C15orf40: variants seen among roughly 807,000 people sequenced by gnomAD.
The protein encoded by C15orf40 is chromosome 15 open reading frame 40.
In C15orf40, 9 loss-of-function variants were observed where a neutral mutation model predicts 13.9. That is an observed-to-expected ratio of 0.65 (90% CI 0.39 to 1.13). The LOEUF (loss-of-function observed/expected upper bound fraction) is 1.13, where lower values mean the gene tolerates loss of function less well. Among genes scored for constraint, C15orf40 ranks in the 50% most tolerant of loss-of-function variants. The pLI is 0.01. For synonymous variants in C15orf40, 95 were observed against 69.2 expected (o/e 1.37, Z -1.85); for missense variants, 225 against 188.5 (o/e 1.19, Z -1.13).
At position 82,996,082 on chromosome 15, in the gene C15orf40, T is replaced by C. The variant is rs1404474984; in HGVS notation, c.*9515A>G. The C allele has an allele frequency of 6.6e-6, 1 of 152,212 alleles. No individual in the cohort carries two copies. Among genetic ancestry groups the C allele is most frequent in the East Asian group, 1.9e-4 (1 of 5,194 alleles). 9.4% of individuals were successfully genotyped at this position (152,212 alleles called of 1,614,324 possible). On this transcript the variant is annotated 3_prime_UTR_variant, in exon 4 of 4. Coordinates refer to ENST00000304177, the MANE Select transcript of C15orf40 (RefSeq NM_144597.3). Reference sequence around the variant, plus strand: ...AATTCAGTTGGTGTTTTCACTCCTTTCCCTCAGGGACACGAGAGCCCTATG... The same window carrying C: ...AATTCAGTTGGTGTTTTCACTCCTTCCCCTCAGGGACACGAGAGCCCTATG...
rs955471031 is a variant in C15orf40, at chr15:83,000,455, A to AG, written c.*5141dup. The AG allele has an allele frequency of 3.9e-5, 6 of 152,254 alleles. No individual in the cohort carries two copies. The highest frequency in any genetic ancestry group is 1.4e-4 in the African/African-American group (6 of 41,456). 9.4% of individuals were successfully genotyped at this position (152,254 alleles called of 1,614,324 possible). A position where few individuals can be genotyped will look rare whatever the true frequency, so the allele number is the denominator to read the frequency against. On this transcript the variant is annotated 3_prime_UTR_variant, in exon 4 of 4. Coordinates refer to ENST00000304177, the MANE Select transcript of C15orf40 (RefSeq NM_144597.3). ...CGACCTGAGCTAAATTTAAGATACA[A>AG]GGGGACTAAGCTTAAGGAATGGCTC...
chr15:83,001,178 G>C lies in C15orf40; in HGVS notation c.*4419C>G. 1 of 985,462 alleles carries C rather than the reference G, an allele frequency of 1.0e-6. No individual in the cohort carries two copies. The highest frequency in any genetic ancestry group is 1.2e-6 in the Non-Finnish European group (1 of 829,968). The allele number at this position is 985,462 out of a possible 1,614,324, so 61.0% of individuals were successfully genotyped here. A position where few individuals can be genotyped will look rare whatever the true frequency, so the allele number is the denominator to read the frequency against. On this transcript the variant is annotated 3_prime_UTR_variant, in exon 4 of 4. Transcript: ENST00000304177. ...TTGCTGTCCCTCCCCTAACCGAGAG[G>C]AAAGTGTGGAATGGCTCACAGAAAT...
downstream of C15orf40, among the ~76,000 whole-genome samples, chr15:82,994,398 C>T (rs1371832830): frequency 6.6e-6 from 1 of 152,034 alleles, no homozygotes; most frequent in African/African-American, 2.4e-5. Context: ...ATTTTTTATA[C>T]CTTAAAAATT....
At chr15:82,992,719 T>C (rs2030913453), downstream of C15orf40, among the ~76,000 whole-genome samples, 1 of 152,134 alleles carries the variant, frequency 6.6e-6, no homozygotes, top group Non-Finnish European at 1.5e-5. Context: ...TTTCCAACAG[T>C]ATTTAAATGT....
chr15:83,004,544 CCT>C lies in C15orf40; in HGVS notation c.*1051_*1052del. ...CAAATACTGAAAATAGCTTCCAAGT[CCT>C]CTTTCTTCTTTTAAGGATCTTTGGA... On this transcript the variant is annotated 3_prime_UTR_variant, in exon 4 of 4. Transcript: ENST00000304177. The C allele has an allele frequency of 1.2e-6, 1 of 830,950 alleles. No individual in the cohort carries two copies. Among genetic ancestry groups the C allele is most frequent in the Non-Finnish European group, 1.5e-6 (1 of 689,506 alleles). 51.5% of individuals were successfully genotyped at this position (830,950 alleles called of 1,614,324 possible). A position where few individuals can be genotyped will look rare whatever the true frequency, so the allele number is the denominator to read the frequency against.
intron 3 of C15orf40, among the ~76,000 whole-genome samples, chr15:83,007,664 G>C (rs1223266111): frequency 1.3e-5 from 2 of 152,142 alleles, no homozygotes. Flanking sequence ...GCTGAGGTGG[G>C]CAGATCAGTT....
downstream of C15orf40, chr15:82,990,878 CT>C (rs777090530): frequency 4.3e-4 from 200 of 469,962 alleles, 1 homozygote; most frequent in South Asian, 1.0e-3. Flanking sequence ...TTAATGTGGG[CT>C]GATTTTACAA....
chr15:83,002,302 G>A lies in C15orf40; in HGVS notation c.*3295C>T, dbSNP rs530898257. 4 of 152,326 alleles carry A rather than the reference G, an allele frequency of 2.6e-5. No individual in the cohort carries two copies. In the East Asian group the frequency reaches 7.7e-4, roughly 29 times the overall value. The allele number at this position is 152,326 out of a possible 1,614,324, so 9.4% of individuals were successfully genotyped here. ...AAGAAAAAAACTCACTAGGCAAAAT[G>A]TTCCCACGTTTAAAATATCACCGTT... On this transcript the variant is annotated 3_prime_UTR_variant, in exon 4 of 4. Coordinates refer to ENST00000304177, the MANE Select transcript of C15orf40 (RefSeq NM_144597.3).
chr15:83,005,326 C>T lies in C15orf40; in HGVS notation c.*271G>A. The T allele has an allele frequency of 1.1e-6, 1 of 948,658 alleles. No homozygotes were observed. The highest frequency in any genetic ancestry group is 3.8e-5 in the South Asian group (1 of 26,180). The allele number at this position is 948,658 out of a possible 1,614,324, so 58.8% of individuals were successfully genotyped here. ...GGGGAGAGAGTTTCACTCTTGTTGC[C>T]CAGGCTGGAGTGCAACGGCGCGATC... On this transcript the variant is annotated 3_prime_UTR_variant, in exon 4 of 4. Coordinates refer to ENST00000304177, the MANE Select transcript of C15orf40 (RefSeq NM_144597.3).
chr15:83,010,352 C>T lies in C15orf40; in HGVS notation c.123G>A (p.Gln41=), dbSNP rs749845710. The change falls in exon 2 of 4, where the codon CAG becomes CAA. Residue 41 remains glutamine, a synonymous_variant. Coordinates refer to ENST00000304177, the MANE Select transcript of C15orf40 (RefSeq NM_144597.3). ...KAGATTKGKS[Q]SKEPERPLPP... Reference sequence around the variant, plus strand: ...GAAGTGGTCTCTCTGGTTCCTTGCTCTGGCTTTTACCCTAAAATGACAACC... The same window carrying T: ...GAAGTGGTCTCTCTGGTTCCTTGCTTTGGCTTTTACCCTAAAATGACAACC... The T allele has an allele frequency of 2.5e-6, 4 of 1,614,084 alleles. No individual in the cohort carries two copies. The highest frequency in any genetic ancestry group is 1.6e-4 in the Middle Eastern group (1 of 6,084).
chr15:82,993,667 G>A (rs1393036448), downstream of C15orf40, among the ~76,000 whole-genome samples: 1 of 152,024 alleles, frequency 6.6e-6, no homozygotes, highest in East Asian at 1.9e-4. Context: ...ACAAAAATTA[G>A]CCAAGCATGG....
intron 3 of C15orf40, chr15:83,007,718 C>T (rs1191097383): frequency 6.6e-6 from 1 of 151,658 alleles, no homozygotes; most frequent in African/African-American, 2.4e-5. Context: ...TGATGAAACC[C>T]CGTCTCTACT....
rs1036408131 is a variant in C15orf40, at chr15:83,005,375, C to G, written c.*222G>C. 3 of 715,210 alleles carry G rather than the reference C, an allele frequency of 4.2e-6. No individual in the cohort carries two copies. Among genetic ancestry groups the G allele is most frequent in the Non-Finnish European group, 3.6e-6 (2 of 553,170 alleles). 44.3% of individuals were successfully genotyped at this position (715,210 alleles called of 1,614,324 possible). On this transcript the variant is annotated 3_prime_UTR_variant, in exon 4 of 4. Coordinates refer to ENST00000304177, the MANE Select transcript of C15orf40 (RefSeq NM_144597.3). ...TCTCGGCTTACTGCAACCTCCGCCC[C>G]CCAGGTTCAAGTGATTCTCCTGCCT...
Position 83,008,620 on chromosome 15 carries a change from C to T in C15orf40, c.294G>A (p.Glu98=). The T allele has an allele frequency of 1.2e-6, 2 of 1,613,816 alleles. No homozygotes were observed. The highest frequency in any genetic ancestry group is 1.1e-5 in the South Asian group (1 of 90,978). ...VAIAAPPSEG[E]ANAELCRYLS... is the part of the protein sequence containing the mutation. Reference sequence around the variant, plus strand: ...GATACCGACAGAGCTCAGCATTAGCCTCTCCCTCTGATGGAGGTGCTGCAA... The same window carrying T: ...GATACCGACAGAGCTCAGCATTAGCTTCTCCCTCTGATGGAGGTGCTGCAA... Residue 98 remains glutamate, a synonymous_variant, in exon 3 of 4, where the codon GAG becomes GAA. Coordinates refer to ENST00000304177, the MANE Select transcript of C15orf40 (RefSeq NM_144597.3).
At position 82,997,563 on chromosome 15, in the gene C15orf40, T is replaced by C; in HGVS notation, c.*8034A>G. 4.1e-6 allele frequency: 1 copy of C among 242,964 alleles called. No individual in the cohort carries two copies. The highest frequency in any genetic ancestry group is 8.0e-6 in the Non-Finnish European group (1 of 125,392). 15.1% of individuals were successfully genotyped at this position (242,964 alleles called of 1,614,324 possible). On this transcript the variant is annotated 3_prime_UTR_variant, in exon 4 of 4. Transcript: ENST00000304177. Reference sequence around the variant, plus strand: ...GGATCCCAAGGCAGAGGAATTTTTCTTAGTGCAGAACAAAATGAAAAGTCT... The same window carrying C: ...GGATCCCAAGGCAGAGGAATTTTTCCTAGTGCAGAACAAAATGAAAAGTCT...
chr15:82,991,666 T>C (rs565665061), downstream of C15orf40, among the ~76,000 whole-genome samples: 4 of 152,304 alleles, frequency 2.6e-5, no homozygotes, highest in South Asian at 4.1e-4. Context: ...CCTCTCCCTT[T>C]TATTCTCCCT....
At position 83,011,564 on chromosome 15, in the gene C15orf40, G is replaced by C. The variant is rs532168297; in HGVS notation, c.44C>G (p.Pro15Arg). The C allele has an allele frequency of 4.4e-6, 7 of 1,605,126 alleles. No homozygotes were observed. Among genetic ancestry groups the C allele is most frequent in the Admixed American group, 1.7e-5 (1 of 59,814 alleles). Reference sequence around the variant, plus strand: ...AAGCCGAGCGGAGCCCCGAGTATTGGGTGTTGCCCGAAGGTGCCTCAGCCC... The same window carrying C: ...AAGCCGAGCGGAGCCCCGAGTATTGCGTGTTGCCCGAAGGTGCCTCAGCCC... ...RSGLRHLRAT[P>R]NTRGSARLLC... is the part of the protein sequence containing the mutation. The change falls in exon 1 of 4, where the codon CCC becomes CGC. Residue 15 changes from proline to arginine, a missense_variant. Pro to Arg is a moderately radical substitution (Grantham distance 103). Transcript: ENST00000304177.
chr15:82,993,862 T>C (rs1280585152), downstream of C15orf40, among the ~76,000 whole-genome samples: 1 of 152,164 alleles, frequency 6.6e-6, no homozygotes, highest in African/African-American at 2.4e-5. Context: ...ATTTGGAAAT[T>C]AGTAGTGAAT....
chr15:82,990,661 A>T (rs1416348540), downstream of C15orf40: 11 of 1,530,906 alleles, frequency 7.2e-6, no homozygotes, highest in Non-Finnish European at 9.7e-6. Context: ...TAAAGCTGTA[A>T]AATAAGGAAG....
Sources: allele counts gnomAD v4.1 joint callset (sites outside exome capture counted in the v4.1 genomes callset), GRCh38; gene constraint gnomAD v4.1.1; transcripts MANE v1.5; gene names NCBI Gene and HGNC (gene_info 2026-07-23, HGNC 2026-07-21).